RNF128: variants seen among roughly 807,000 people sequenced by gnomAD.
RNF128 encodes E3 ubiquitin-protein ligase RNF128.
A neutral mutation model predicts 26.2 loss-of-function variants in RNF128; 13 were observed. The ratio of observed to expected loss-of-function variants is 0.50; its 90% confidence interval spans 0.32 to 0.79. The LOEUF (loss-of-function observed/expected upper bound fraction) is 0.79, where lower values mean the gene tolerates loss of function less well. Among genes scored for constraint, RNF128 ranks in the 30% least tolerant of loss-of-function variants. RNF128 has a pLI of 0.03. For missense variants in RNF128, 315 were observed against 349.7 expected (o/e 0.90, Z 0.79); for synonymous variants, 149 against 142.5 (o/e 1.05, Z -0.32).
chrX:106,762,773 A>C (rs2147688062), intron 1 of RNF128, among the ~76,000 whole-genome samples: 1 of 110,871 alleles, frequency 9.0e-6, no homozygotes, highest in African/African-American at 3.3e-5. Flanking sequence ...ACACAGCAAC[A>C]GAAAACCAAA....
At chrX:106,794,067 T>C (rs1184852339) in intron 6 of RNF128, among the ~76,000 whole-genome samples, 1 of 111,829 alleles carries the variant, frequency 8.9e-6, no homozygotes, top group Admixed American at 9.5e-5. Flanking sequence ...TACCAAATGG[T>C]GATTTTCTGT....
At chrX:106,761,474 C>T (rs1442657850) in intron 1 of RNF128, among the ~76,000 whole-genome samples, 4 of 111,498 alleles carry the variant, frequency 3.6e-5, no homozygotes, top group Non-Finnish European at 7.5e-5. Context: ...AAGACACATG[C>T]ACATGTATGT....
intron 1 of RNF128, among the ~76,000 whole-genome samples, chrX:106,720,169 C>T (rs966109665): frequency 3.7e-5 from 4 of 109,429 alleles, no homozygotes; most frequent in Non-Finnish European, 5.7e-5. Context: ...CCTTCCAGCA[C>T]CTCCCTTGCT....
chrX:106,767,642 T>G (rs1421443695), intron 1 of RNF128, among the ~76,000 whole-genome samples: 1 of 111,579 alleles, frequency 9.0e-6, no homozygotes, highest in Non-Finnish European at 1.9e-5. Flanking sequence ...TCTAGATATA[T>G]AATCATGTCA....
chrX:106,754,410 CTTTTTTTTTTTTTT>C (rs150895665), intron 1 of RNF128, among the ~76,000 whole-genome samples: 21 of 35,760 alleles, frequency 5.9e-4, no homozygotes, highest in Admixed American at 1.6e-3. Context: ...TTTTCTTTCT[CTTTTTTTTTTTTTT>C]TTTTTTTTTT....
intron 1 of RNF128, among the ~76,000 whole-genome samples, chrX:106,720,352 ATTTC>A (rs1929288570): frequency 9.0e-6 from 1 of 110,752 alleles, no homozygotes; most frequent in Admixed American, 9.7e-5. Context: ...CACCAACACA[ATTTC>A]TTTCTTTCTT....
At chrX:106,763,724 T>C (rs182694473) in intron 1 of RNF128, among the ~76,000 whole-genome samples, 1,695 of 110,518 alleles carry the variant, frequency 0.015, 34 homozygotes, top group African/African-American at 0.052. Flanking sequence ...GCCAGGATGG[T>C]CTCGATCTCC....
At chrX:106,695,319 C>T (rs779929012) in intron 1 of RNF128, among the ~76,000 whole-genome samples, 3 of 110,323 alleles carry the variant, frequency 2.7e-5, no homozygotes, top group Non-Finnish European at 3.8e-5. Context: ...CCAAATTTGG[C>T]CTCTAAGAAA....
chrX:106,726,711 A>G lies in RNF128; in HGVS notation c.-203A>G. On this transcript the variant is annotated 5_prime_UTR_variant, in exon 1 of 7. Coordinates refer to ENST00000255499, the MANE Select transcript of RNF128 (RefSeq NM_194463.2). ...CCCGACGCGGCAGCCGCGGTAGCGG[A>G]GAAGACTGGAGCTCCGAGGAGCTGC... is the stretch of plus-strand genomic sequence containing the variant. 9.7e-7 allele frequency: 1 copy of G among 1,029,540 alleles called. No homozygotes were observed. Among genetic ancestry groups the G allele is most frequent in the East Asian group, 3.9e-5 (1 of 25,328 alleles). 84.8% of individuals were successfully genotyped at this position (1,029,540 alleles called of 1,213,427 possible).
At chrX:106,754,562 A>C (rs748203258) in intron 1 of RNF128, among the ~76,000 whole-genome samples, 1 of 107,693 alleles carries the variant, frequency 9.3e-6, no homozygotes. Context: ...GCCCAGCCAA[A>C]ATTTTTTTTA....
chrX:106,759,720 A>G (rs1438151067), intron 1 of RNF128, among the ~76,000 whole-genome samples: 2 of 111,863 alleles, frequency 1.8e-5, no homozygotes, highest in Non-Finnish European at 3.8e-5. Flanking sequence ...CCACTCATTT[A>G]TGAGAGCTAA....
chrX:106,795,279 T>C (rs1930895290), intron 6 of RNF128, among the ~76,000 whole-genome samples: 2 of 111,608 alleles, frequency 1.8e-5, no homozygotes, highest in Non-Finnish European at 1.9e-5. Flanking sequence ...CAGCTTGTTA[T>C]ATTTAAGGTA....
At chrX:106,750,740 A>C (rs1042625717) in intron 1 of RNF128, among the ~76,000 whole-genome samples, 20 of 110,754 alleles carry the variant, frequency 1.8e-4, no homozygotes, top group South Asian at 7.6e-4. Flanking sequence ...ACATCACACA[A>C]AAAAAAAGAG....
intron 1 of RNF128, among the ~76,000 whole-genome samples, chrX:106,763,094 G>GA (rs1377227085): frequency 9.2e-6 from 1 of 108,512 alleles, no homozygotes; most frequent in Non-Finnish European, 1.9e-5. Context: ...CTCCTGGGCA[G>GA]AAAAAGAGGC....
intron 2 of RNF128, among the ~76,000 whole-genome samples, chrX:106,783,858 G>A (rs73247958): frequency 0.19 from 21,374 of 109,743 alleles, 1,933 homozygotes; most frequent in East Asian, 0.36. Context: ...GGGAGCAGGC[G>A]CCAGGCTCTT....
At chrX:106,716,885 G>C (rs1309291258) in intron 1 of RNF128, among the ~76,000 whole-genome samples, 2 of 111,249 alleles carry the variant, frequency 1.8e-5, no homozygotes, top group Non-Finnish European at 3.8e-5. Flanking sequence ...TTAGATTGTT[G>C]AAGGCCTAGA....
intron 1 of RNF128, among the ~76,000 whole-genome samples, chrX:106,754,763 C>A (rs1031782265): frequency 9.1e-6 from 1 of 110,155 alleles, no homozygotes; most frequent in Non-Finnish European, 1.9e-5. Flanking sequence ...CAAAATGTAA[C>A]AAAACCTATG....
chrX:106,711,269 C>A (rs1449239921), intron 1 of RNF128, among the ~76,000 whole-genome samples: 1 of 111,829 alleles, frequency 8.9e-6, no homozygotes, highest in East Asian at 2.8e-4. Flanking sequence ...TTAGTATCCA[C>A]CCCTTCACAG....
At chrX:106,779,303 G>T (rs1246583290) in intron 2 of RNF128, among the ~76,000 whole-genome samples, 1 of 108,737 alleles carries the variant, frequency 9.2e-6, no homozygotes, top group Non-Finnish European at 1.9e-5. Flanking sequence ...CATATAAATT[G>T]TAAAATGATT....
Sources: allele counts gnomAD v4.1 joint callset (sites outside exome capture counted in the v4.1 genomes callset), GRCh38; gene constraint gnomAD v4.1.1; transcripts MANE v1.5; gene names NCBI Gene and HGNC (gene_info 2026-07-23, HGNC 2026-07-21).